VGLL4: variants seen among roughly 807,000 people sequenced by gnomAD.
VGLL4 encodes the protein transcription cofactor vestigial-like protein 4.
VGLL4 carries 7 observed loss-of-function variants against 21.0 expected under a neutral mutation model. The observed-to-expected ratio is 0.33, with a 90% CI of 0.19 to 0.63. The LOEUF (loss-of-function observed/expected upper bound fraction) is 0.63, where lower values mean the gene tolerates loss of function less well. VGLL4 is among the 20% of genes least tolerant of loss of function. VGLL4 has a pLI of 0.78. For synonymous variants in VGLL4, 222 were observed against 173.2 expected, an observed-to-expected ratio of 1.28 and a Z score of -2.21; for missense variants, 394 against 425.7, an observed-to-expected ratio of 0.93 and a Z score of 0.66.
chr3:11,598,697 G>T (rs2074707362), intron 2 of VGLL4, among the ~76,000 whole-genome samples: 1 of 152,018 alleles, frequency 6.6e-6, no homozygotes, highest in Non-Finnish European at 1.5e-5. Flanking sequence ...TTGCTATATT[G>T]CCCAGGCTGG....
intron 2 of VGLL4, among the ~76,000 whole-genome samples, chr3:11,667,074 T>C (rs1211098311): frequency 6.6e-6 from 1 of 152,230 alleles, no homozygotes; most frequent in Non-Finnish European, 1.5e-5. Context: ...CAACCATCTC[T>C]TCAAAGAAAA....
intron 3 of VGLL4, 33 bp downstream of exon 3, chr3:11,564,764 C>A (rs1042587443): frequency 1.3e-6 from 2 of 1,525,542 alleles, no homozygotes; most frequent in Non-Finnish European, 8.8e-7. Context: ...AGCCCCTGGA[C>A]TCCCCACGCC....
At chr3:11,682,233 A>G (rs1341608661) in intron 2 of VGLL4, among the ~76,000 whole-genome samples, 2 of 151,936 alleles carry the variant, frequency 1.3e-5, no homozygotes, top group Non-Finnish European at 2.9e-5. Context: ...GTGAAACCCC[A>G]TCTCTACTAC....
intron 1 of VGLL4, among the ~76,000 whole-genome samples, chr3:11,703,882 G>C (rs528015188): frequency 6.6e-6 from 1 of 152,174 alleles, no homozygotes; most frequent in Non-Finnish European, 1.5e-5. Context: ...TACCTACTAC[G>C]TATGCACCGG....
chr3:11,678,131 G>T (rs1377865546), intron 2 of VGLL4, among the ~76,000 whole-genome samples: 1 of 151,698 alleles, frequency 6.6e-6, no homozygotes, highest in African/African-American at 2.4e-5. Flanking sequence ...TCAGCTCAAT[G>T]CAACCTCCCA....
In VGLL4 at chr3:11,586,363, G is replaced by GGATA. The variant is rs552453511; in HGVS notation, c.272+15466_272+15469dup. Among the ~76,000 whole-genome samples the GGATA allele has an allele frequency of 4.0e-4, 61 of 152,270 alleles. No individual in the cohort carries two copies. The East Asian group carries it at 0.011, about 27-fold the overall frequency. Reference sequence around the variant, plus strand: ...CTATGGTGAGGAAACGGTGCAGGAAGGATAGAAAGAGGAGATTATCACCAA... The same window carrying GGATA: ...CTATGGTGAGGAAACGGTGCAGGAAGGATAGATAGAAAGAGGAGATTATCACCAA... On this transcript the variant is annotated intron_variant, in intron 2 of 4. Transcript: ENST00000430365.
Position 11,575,580 on chromosome 3 carries a change from G to A in VGLL4, c.273-10561C>T, listed in dbSNP as rs377334952. ...GACACTTGGGAAACCTGGCGGATCC[G>A]GAACCACAGTGTGCACTTACCCAGC... On this transcript the variant is annotated intron_variant, in intron 2 of 4. Coordinates refer to ENST00000430365, the MANE Select transcript of VGLL4 (RefSeq NM_001128219.3). 1.6e-4 allele frequency among the ~76,000 whole-genome samples: 25 copies of A among 152,310 alleles called. No individual in the cohort carries two copies. The South Asian group carries it at 4.6e-3, about 28-fold the overall frequency.
intron 2 of VGLL4, among the ~76,000 whole-genome samples, chr3:11,656,604 C>G (rs1338400917): frequency 6.6e-6 from 1 of 152,124 alleles, no homozygotes; most frequent in Non-Finnish European, 1.5e-5. Context: ...TCAGTAACTC[C>G]TATAGGGTCT....
intron 1 of VGLL4, among the ~76,000 whole-genome samples, chr3:11,635,249 C>G (rs1403890542): frequency 6.6e-6 from 1 of 152,152 alleles, no homozygotes. Flanking sequence ...ATGGCTGGAA[C>G]AAACACAAGA....
chr3:11,563,335 T>C (rs1202858668), intron 3 of VGLL4, among the ~76,000 whole-genome samples: 1 of 152,256 alleles, frequency 6.6e-6, no homozygotes, highest in African/African-American at 2.4e-5. Context: ...CCATGGCTCA[T>C]GGCAGCATTA....
chr3:11,585,658 G>C (rs1351130436), intron 2 of VGLL4, among the ~76,000 whole-genome samples: 1 of 152,220 alleles, frequency 6.6e-6, no homozygotes, highest in Non-Finnish European at 1.5e-5. Flanking sequence ...TTGTTGGCTA[G>C]ACAGAGATGA....
At chr3:11,651,357 A>G (rs1406189280) in intron 2 of VGLL4, among the ~76,000 whole-genome samples, 3 of 151,990 alleles carry the variant, frequency 2.0e-5, no homozygotes, top group Non-Finnish European at 4.4e-5. Flanking sequence ...AAAGAAAGAA[A>G]GAAAAAGAAA....
chr3:11,568,816 C>A lies in VGLL4; in HGVS notation c.273-3797G>T. 7.0e-6 allele frequency: 10 copies of A among 1,427,206 alleles called. No homozygotes were observed. Among genetic ancestry groups the A allele is most frequent in the Non-Finnish European group, 6.4e-6 (7 of 1,094,294 alleles). 88.4% of individuals were successfully genotyped at this position (1,427,206 alleles called of 1,614,324 possible). A position where few individuals can be genotyped will look rare whatever the true frequency, so the allele number is the denominator to read the frequency against. ...CCCGAGAGAGCCCACGGCATCCCCG[C>A]GAACACCCAAAGGACTCTGAGTGGC... On this transcript the variant is annotated intron_variant, in intron 2 of 4. Transcript: ENST00000430365. The surrounding 1 kb of genome is among the most constrained non-coding windows in gnomAD (Gnocchi z 5.9).
chr3:11,609,757 A>G (rs2075020661), intron 1 of VGLL4, among the ~76,000 whole-genome samples: 1 of 152,196 alleles, frequency 6.6e-6, no homozygotes, highest in South Asian at 2.1e-4. Context: ...ATGGGAGGCG[A>G]TGGCATGGCT....
chr3:11,620,562 C>T (rs1382513055), intron 1 of VGLL4, among the ~76,000 whole-genome samples: 1 of 152,256 alleles, frequency 6.6e-6, no homozygotes, highest in Non-Finnish European at 1.5e-5. Context: ...AGACCTGCCA[C>T]TACCAAAACT....
At chr3:11,614,249 G>T (rs532459350) in intron 1 of VGLL4, among the ~76,000 whole-genome samples, 22 of 152,304 alleles carry the variant, frequency 1.4e-4, no homozygotes, top group African/African-American at 5.3e-4. Context: ...TCAGCCCCAA[G>T]AGCACCCCTT....
chr3:11,683,780 G>GA lies in VGLL4; in HGVS notation c.64+19190dup, dbSNP rs758282902. On this transcript the variant is annotated intron_variant, in intron 2 of 5. Coordinates refer to the VGLL4 transcript ENST00000273038. ...CTGCACTCCAGCCTGGGTGACAGAG[G>GA]AAAAAAAAAACCAAAAAACTCAACC... 6.6e-3 allele frequency among the ~76,000 whole-genome samples: 954 copies of GA among 145,332 alleles called. 6 individuals are homozygous for GA. Among genetic ancestry groups the GA allele is most frequent in the African/African-American group, 0.02 (798 of 39,670 alleles).
intron 2 of VGLL4, among the ~76,000 whole-genome samples, chr3:11,681,089 C>A (rs1250766320): frequency 6.6e-6 from 1 of 151,972 alleles, no homozygotes; most frequent in Non-Finnish European, 1.5e-5. Context: ...AATCATATTT[C>A]TTTTTTTGTT....
At position 11,692,439 on chromosome 3, in the gene VGLL4, A is replaced by G. The variant is rs1308406893; in HGVS notation, c.64+10532T>C. Among the ~76,000 whole-genome samples the G allele has an allele frequency of 1.6e-4, 24 of 152,240 alleles. 1 individual carries two copies. The highest frequency in any genetic ancestry group is 1.5e-3 in the Admixed American group (23 of 15,288). ...TGTTTTATGAAGCCTTTTGAATTAGAATAGACTACTGGGAGATGGTATTTT... is the reference window on the plus strand; with the variant it reads ...TGTTTTATGAAGCCTTTTGAATTAGGATAGACTACTGGGAGATGGTATTTT... On this transcript the variant is annotated intron_variant, in intron 2 of 5. Transcript: ENST00000273038.
Sources: allele counts gnomAD v4.1 joint callset (sites outside exome capture counted in the v4.1 genomes callset), GRCh38; gene constraint gnomAD v4.1.1; non-coding constraint Gnocchi (gnomAD v3.1); transcripts MANE v1.5; gene names NCBI Gene and HGNC (gene_info 2026-07-23, HGNC 2026-07-21).